SNX29: variants seen among roughly 807,000 people sequenced by gnomAD.
The protein encoded by SNX29 is sorting nexin-29.
SNX29 carries 78 observed loss-of-function variants against 102.1 expected under a neutral mutation model. That is an observed-to-expected ratio of 0.76 (90% CI 0.64 to 0.92). SNX29 has a LOEUF of 0.92. SNX29 is among the 40% of genes least tolerant of loss of function. SNX29 has a pLI of 0.00. For synonymous variants in SNX29, 580 were observed against 414.5 expected (o/e 1.40, Z -4.85); for missense variants, 1,280 against 1,061.7 (o/e 1.21, Z -2.86).
intron 8 of SNX29, among the ~76,000 whole-genome samples, chr16:12,060,571 CCA>C (rs989701526): frequency 2.6e-5 from 4 of 152,178 alleles, no homozygotes; most frequent in African/African-American, 9.7e-5. Context: ...CCACTGTACT[CCA>C]GTGTGGACAA....
intron 3 of SNX29, among the ~76,000 whole-genome samples, chr16:12,012,407 T>C (rs986631330): frequency 6.6e-6 from 1 of 152,116 alleles, no homozygotes; most frequent in Non-Finnish European, 1.5e-5. Flanking sequence ...AGTATTTCTT[T>C]TGTTTATTTT....
chr16:12,553,616 A>G (rs11643055), intron 20 of SNX29, among the ~76,000 whole-genome samples: 59,178 of 137,610 alleles, frequency 0.43, 13,065 homozygotes, highest in East Asian at 0.86. Context: ...GCAAGATGGA[A>G]TTTTGTGCTT....
intron 20 of SNX29, among the ~76,000 whole-genome samples, chr16:12,533,917 T>G (rs1347900661): frequency 6.6e-6 from 1 of 152,236 alleles, no homozygotes; most frequent in East Asian, 1.9e-4. Flanking sequence ...CATCTTCATA[T>G]AAAATCTGAT....
At chr16:12,389,292 A>T (rs2083442630) in intron 16 of SNX29, among the ~76,000 whole-genome samples, 1 of 152,114 alleles carries the variant, frequency 6.6e-6, no homozygotes. Context: ...CCCAAATTTC[A>T]TCTTGAATTG....
chr16:12,006,093 C>T (rs1201665426), intron 3 of SNX29, among the ~76,000 whole-genome samples: 1 of 151,920 alleles, frequency 6.6e-6, no homozygotes, highest in Non-Finnish European at 1.5e-5. Flanking sequence ...AATCTCATTG[C>T]TTTGGGAGGC....
intron 1 of SNX29, among the ~76,000 whole-genome samples, chr16:11,978,404 A>G (rs2055348315): frequency 6.6e-6 from 1 of 152,240 alleles, no homozygotes; most frequent in Non-Finnish European, 1.5e-5. Context: ...GTTCTCGACC[A>G]TTCTGGGAGT....
intron 19 of SNX29, among the ~76,000 whole-genome samples, chr16:12,494,570 T>C (rs2151873727): frequency 6.6e-6 from 1 of 152,304 alleles, no homozygotes; most frequent in South Asian, 2.1e-4. Context: ...GTCCTGGCAG[T>C]ACAGGGCCCA....
intron 13 of SNX29, among the ~76,000 whole-genome samples, chr16:12,139,980 CAAA>C (rs59169166): frequency 1.5e-4 from 13 of 88,574 alleles, no homozygotes; most frequent in Admixed American, 5.4e-4. Context: ...TACCCTGTCT[CAAA>C]AAAAAAAAAA....
chr16:12,556,951 C>CAAGT lies in SNX29; in HGVS notation c.2319-11554_2319-11553insAGTA, dbSNP rs67721658. Among the ~76,000 whole-genome samples, 3 of 2,104 alleles carry CAAGT rather than the reference C, an allele frequency of 1.4e-3. No homozygotes were observed. In the African/African-American group the frequency reaches 0.018, roughly 13 times the overall value. 1.4% of individuals were successfully genotyped at this position (2,104 alleles called of 152,430 possible). A position where few individuals can be genotyped will look rare whatever the true frequency, so the allele number is the denominator to read the frequency against. ...CACTACAGCCTCTGCCGCTCAGGCTCAGTCTTCCCACTTCTGCCTCATGAG... is the reference window on the plus strand; with the variant it reads ...CACTACAGCCTCTGCCGCTCAGGCTCAAGTAGTCTTCCCACTTCTGCCTCATGAG... On this transcript the variant is annotated intron_variant, in intron 20 of 20. Transcript: ENST00000566228.
intron 1 of SNX29, among the ~76,000 whole-genome samples, chr16:11,984,706 T>G (rs551055733): frequency 6.6e-6 from 1 of 152,288 alleles, no homozygotes; most frequent in Non-Finnish European, 1.5e-5. Flanking sequence ...CAGGCTGGAA[T>G]GCAGTGGTGA....
intron 19 of SNX29, among the ~76,000 whole-genome samples, chr16:12,488,434 C>T (rs551331107): frequency 4.6e-4 from 68 of 149,394 alleles, no homozygotes; most frequent in African/African-American, 1.4e-3. Flanking sequence ...GTTCTTCCTT[C>T]CCGCAGTCCC....
chr16:12,140,170 A>AT (rs2054820604), intron 13 of SNX29, among the ~76,000 whole-genome samples: 1 of 152,108 alleles, frequency 6.6e-6, no homozygotes. Context: ...CACGCATATC[A>AT]TGCAGTCCCC....
chr16:12,003,115 A>G, intron 3 of SNX29, 72 bp downstream of exon 3: 2 of 1,585,732 alleles, frequency 1.3e-6, no homozygotes, highest in Admixed American at 3.3e-5. Context: ...GGCTTCTAAA[A>G]CCGTTGACCA....
At chr16:12,084,092 A>C (rs2052042205) in intron 11 of SNX29, among the ~76,000 whole-genome samples, 2 of 152,068 alleles carry the variant, frequency 1.3e-5, no homozygotes, top group East Asian at 1.9e-4. Context: ...TTGTTCTCCT[A>C]CTGCAAGGCC....
At chr16:12,217,508 C>T (rs1466619797) in intron 14 of SNX29, among the ~76,000 whole-genome samples, 1 of 152,130 alleles carries the variant, frequency 6.6e-6, no homozygotes, top group African/African-American at 2.4e-5. Flanking sequence ...CACCTGTAGA[C>T]AGGTAGTACA....
intron 20 of SNX29, among the ~76,000 whole-genome samples, chr16:12,554,552 G>A (rs138223538): frequency 1.3e-5 from 2 of 152,200 alleles, no homozygotes; most frequent in African/African-American, 4.8e-5. Context: ...TTGTGAACTT[G>A]TTCAACAATT....
chr16:12,523,441 G>A (rs934901788), intron 19 of SNX29, among the ~76,000 whole-genome samples: 1 of 152,166 alleles, frequency 6.6e-6, no homozygotes, highest in African/African-American at 2.4e-5. Flanking sequence ...GGAGCATGAC[G>A]GTCTCAGAGA....
At position 12,296,263 on chromosome 16, in the gene SNX29, C is replaced by T. The variant is rs184078765; in HGVS notation, c.1782+18227C>T. ...TGCTGTGATGGCATGTATTTTAAAG[C>T]AAAGTGGTGGTCAATTTTGATGAAA... On this transcript the variant is annotated intron_variant, in intron 15 of 20. Coordinates refer to ENST00000566228, the MANE Select transcript of SNX29 (RefSeq NM_032167.5). Among the ~76,000 whole-genome samples, 393 of 152,238 alleles carry T rather than the reference C, an allele frequency of 2.6e-3. 2 individuals carry two copies. The highest frequency in any genetic ancestry group is 8.6e-3 in the African/African-American group (359 of 41,544).
chr16:12,497,996 A>C (rs1187792423), intron 19 of SNX29, among the ~76,000 whole-genome samples: 4 of 152,226 alleles, frequency 2.6e-5, no homozygotes, highest in African/African-American at 9.6e-5. Context: ...CACCAGGAGA[A>C]AAGGACATGG....
Sources: gnomAD v4.1 joint callset for allele counts (sites outside exome capture counted in the v4.1 genomes callset) on GRCh38, gnomAD v4.1.1 for gene constraint, MANE v1.5 for transcripts, NCBI Gene and HGNC (gene_info 2026-07-23, HGNC 2026-07-21) for gene names.